The following NID2 variants were observed in gnomAD, a reference collection of about 807,000 sequenced individuals.
The protein encoded by NID2 is nidogen 2.
In NID2, 83 loss-of-function variants were observed where a neutral mutation model predicts 145.4. The ratio of observed to expected loss-of-function variants is 0.57; its 90% CI spans 0.48 to 0.69. The LOEUF is 0.69. Among genes scored for constraint, NID2 ranks in the 30% least tolerant of loss-of-function variants. The probability of loss-of-function intolerance (pLI) is 0.00; values close to 1 mark genes in which losing one functional copy is unlikely to be tolerated. For missense variants in NID2, 1,807 were observed against 1,765.7 expected (o/e 1.02, Z -0.42); for synonymous variants, 739 against 701.3 (o/e 1.05, Z -0.85).
At chr14:52,046,904 C>T (rs1027173401) in intron 5 of NID2, among the ~76,000 whole-genome samples, 10 of 152,176 alleles carry the variant, frequency 6.6e-5, no homozygotes, top group African/African-American at 1.7e-4. Context: ...GCCCCTAATC[C>T]GGGGGAAGGC....
In NID2 at chr14:52,067,949, G is replaced by C. The variant is rs769213857; in HGVS notation, c.443C>G (p.Ala148Gly). The C allele has an allele frequency of 3.7e-6, 6 of 1,611,330 alleles. No individual in the cohort carries two copies. The highest frequency in any genetic ancestry group is 5.1e-6 in the Non-Finnish European group (6 of 1,179,192). Reference sequence around the variant, plus strand: ...GAAGGCGTGGGTGGGGGTAAAGCGCGCAGAGCGCGGGAAGCCAGCGCGCAC... The same window carrying C: ...GAAGGCGTGGGTGGGGGTAAAGCGCCCAGAGCGCGGGAAGCCAGCGCGCAC... ...RYVRAGFPRSARFTPTHAFLA... is the reference protein window; with the variant it reads ...RYVRAGFPRSGRFTPTHAFLA... The change falls in exon 2 of 22, where the codon GCG (alanine) becomes GGG (glycine). Residue 148 changes from alanine (A) to glycine (G), a missense_variant. Transcript: ENST00000216286.
intron 5 of NID2, 144 bp downstream of exon 5, chr14:52,053,435 C>T: frequency 1.1e-6 from 1 of 918,994 alleles, no homozygotes; most frequent in Admixed American, 2.4e-5. Context: ...TACTCTATCT[C>T]TTGAAACACA....
chr14:52,063,259 C>T (rs1471288513), intron 2 of NID2, among the ~76,000 whole-genome samples: 2 of 152,198 alleles, frequency 1.3e-5, no homozygotes, highest in African/African-American at 4.8e-5. Flanking sequence ...AGATGGGCTG[C>T]CAAACCTGAC....
At chr14:52,021,785 T>C (rs994926782) in intron 12 of NID2, among the ~76,000 whole-genome samples, 2 of 152,178 alleles carry the variant, frequency 1.3e-5, no homozygotes, top group East Asian at 3.9e-4. Context: ...ACAAACCAGA[T>C]TGGCTCCTCA....
intron 2 of NID2, among the ~76,000 whole-genome samples, chr14:52,067,427 G>A (rs1004177412): frequency 3.3e-5 from 5 of 152,166 alleles, no homozygotes; most frequent in African/African-American, 1.2e-4. Context: ...AATGTACGCA[G>A]AAAAATGTTT....
Position 52,027,277 on chromosome 14 carries a change from C to A in NID2, c.2598G>T (p.Arg866=), listed in dbSNP as rs1891621426. Residue 866 remains arginine (R), a synonymous_variant, in exon 12 of 22, where the codon CGG becomes CGT. Transcript: ENST00000216286. The part of the protein sequence containing the change: ...SHTCAPAGQA[R]CVHHGGSTFS... ...ACGTGCTGCCTCCATGGTGAACACACCGGGCCTGCCCAGCAGGAGCACAGG... is the reference window on the plus strand; with the variant it reads ...ACGTGCTGCCTCCATGGTGAACACAACGGGCCTGCCCAGCAGGAGCACAGG... 2 of 1,598,292 alleles carry A rather than the reference C, an allele frequency of 1.3e-6. No individual in the cohort carries two copies. Among genetic ancestry groups the A allele is most frequent in the Admixed American group, 1.7e-5 (1 of 57,784 alleles).
At chr14:52,029,460 G>T in intron 10 of NID2, 87 bp downstream of exon 10, 1 of 1,291,276 alleles carries the variant, frequency 7.7e-7, no homozygotes. Context: ...AAAGGTGACA[G>T]ATACTTGTCT....
chr14:52,032,870 A>T (rs1891918503), intron 9 of NID2, among the ~76,000 whole-genome samples: 1 of 152,022 alleles, frequency 6.6e-6, no homozygotes, highest in South Asian at 2.1e-4. Context: ...ATCCTACCTA[A>T]AATTGAGAAG....
chr14:52,032,539 T>A (rs1350028278), intron 9 of NID2, among the ~76,000 whole-genome samples: 1 of 151,568 alleles, frequency 6.6e-6, no homozygotes, highest in East Asian at 1.9e-4. Flanking sequence ...GACAAGGTCA[T>A]GTCTTCATCC....
At chr14:52,008,794 G>A (rs956519349) in intron 18 of NID2, 8 of 152,220 alleles carry the variant, frequency 5.3e-5, no homozygotes, top group African/African-American at 1.9e-4. Context: ...AGGGATTTGA[G>A]AAGGAAACTG....
In NID2 at chr14:52,006,601, T is replaced by G; in HGVS notation, c.3940A>C (p.Asn1314His). The G allele has an allele frequency of 2.5e-6, 4 of 1,613,972 alleles. No individual in the cohort carries two copies. The highest frequency in any genetic ancestry group is 2.2e-5 in the South Asian group (2 of 91,086). Reference sequence around the variant, plus strand: ...ACGATGCTGAAGGGGTACTTGAGGTTGTTTTGAATGACACGCCGTCCAGTT... The same window carrying G: ...ACGATGCTGAAGGGGTACTTGAGGTGGTTTTGAATGACACGCCGTCCAGTT... Reference protein sequence around the residue: ...DGTGRRVIQNNLKYPFSIVSY... With the variant: ...DGTGRRVIQNHLKYPFSIVSY... The change falls in exon 20 of 22, where the codon AAC (asparagine) becomes CAC (histidine). Residue 1314 changes from asparagine to histidine, a missense_variant. Asn to His is a moderately conservative substitution (Grantham distance 68). Coordinates refer to ENST00000216286, the MANE Select transcript of NID2 (RefSeq NM_007361.4).
intron 5 of NID2, among the ~76,000 whole-genome samples, chr14:52,048,863 G>T (rs570212433): frequency 6.6e-6 from 1 of 152,166 alleles, no homozygotes; most frequent in African/African-American, 2.4e-5. Flanking sequence ...GCAGTTTCTG[G>T]TTCAGAAGGT....
chr14:52,005,316 G>GAGGTATCAGCTTT lies in NID2; in HGVS notation c.*157_*169dup. Reference sequence around the variant, plus strand: ...TTTTAAAAATACAGTAGTAAAGATTGAGGTATCAGCTTTTCACAAAAGTCT... The same window carrying GAGGTATCAGCTTT: ...TTTTAAAAATACAGTAGTAAAGATTGAGGTATCAGCTTTAGGTATCAGCTTTTCACAAAAGTCT... On this transcript the variant is annotated 3_prime_UTR_variant, in exon 22 of 22. Transcript: ENST00000216286. 4.3e-6 allele frequency: 2 copies of GAGGTATCAGCTTT among 470,576 alleles called. No homozygotes were observed. The allele number at this position is 470,576 out of a possible 1,614,324, so 29.2% of individuals were successfully genotyped here. A position where few individuals can be genotyped will look rare whatever the true frequency, so the allele number is the denominator to read the frequency against.
At position 52,038,646 on chromosome 14, in the gene NID2, C is replaced by T. The variant is rs189008748; in HGVS notation, c.2257+101G>A. 7.6e-5 allele frequency: 68 copies of T among 893,492 alleles called. No individual in the cohort carries two copies. The East Asian group carries it at 1.4e-3, about 19-fold the overall frequency. The allele number at this position is 893,492 out of a possible 1,614,324, so 55.3% of individuals were successfully genotyped here. On this transcript the variant is annotated intron_variant, in intron 9 of 21. Transcript: ENST00000216286. ...ATTCATCCTTATACCTAGCACATAA[C>T]ACAGCATGGCACTAGGTAACCCTTA...
chr14:52,011,077 T>C (rs750862489), intron 17 of NID2, 30 bp from the exon 18 acceptor site: 2 of 1,603,634 alleles, frequency 1.2e-6, no homozygotes, highest in South Asian at 2.2e-5. Flanking sequence ...AGGACTGGAG[T>C]GTTTGCAGGA....
Position 52,027,201 on chromosome 14 carries a change from C to A in NID2, c.2674G>T (p.Asp892Tyr). 1 of 1,524,676 alleles carries A rather than the reference C, an allele frequency of 6.6e-7. No homozygotes were observed. The highest frequency in any genetic ancestry group is 1.3e-5 in the South Asian group (1 of 78,398). 94.4% of individuals were successfully genotyped at this position (1,524,676 alleles called of 1,614,324 possible). ...TTGAGGCTGACCTGCAGTTACTCAC[C>A]AGTGCACTGGTGCCCATCGCCGGCA... Reference protein sequence around the residue: ...GYAGDGHQCTDVDECSENRCH... With the variant: ...GYAGDGHQCTYVDECSENRCH... Residue 892 changes from aspartate (D) to tyrosine (Y), a missense_variant and splice_region_variant, in exon 12 of 22, where the codon GAT becomes TAT. Asp to Tyr is a radical substitution (Grantham distance 160). Coordinates refer to ENST00000216286, the MANE Select transcript of NID2 (RefSeq NM_007361.4).
At chr14:52,020,788 G>A (rs1032345174) in intron 12 of NID2, among the ~76,000 whole-genome samples, 2 of 151,944 alleles carry the variant, frequency 1.3e-5, no homozygotes, top group Admixed American at 1.3e-4. Flanking sequence ...TATTATCTAG[G>A]GTTTTGAAAT....
intron 9 of NID2, among the ~76,000 whole-genome samples, chr14:52,033,724 T>A (rs967813876): frequency 6.6e-6 from 1 of 152,244 alleles, no homozygotes; most frequent in Non-Finnish European, 1.5e-5. Context: ...TTTCTTTTTT[T>A]CCCTCCTATT....
At chr14:52,008,298 G>A in intron 18 of NID2, 1 of 202,498 alleles carries the variant, frequency 4.9e-6, no homozygotes, top group Non-Finnish European at 1.0e-5. Flanking sequence ...GAGGGCTGTT[G>A]GCCAGAGACA....
Sources: gnomAD v4.1 joint callset for allele counts (sites outside exome capture counted in the v4.1 genomes callset) on GRCh38, gnomAD v4.1.1 for gene constraint, MANE v1.5 for transcripts, NCBI Gene and HGNC (gene_info 2026-07-23, HGNC 2026-07-21) for gene names.